Variants in NBEA observed in about 807,000 individuals in gnomAD.
The protein encoded by NBEA is lysosomal-trafficking regulator 2.
In NBEA, 44 loss-of-function variants were observed where a neutral mutation model predicts 343.4. The ratio of observed to expected loss-of-function variants is 0.13; its 90% CI spans 0.10 to 0.16. The LOEUF is 0.16. Among genes scored for constraint, NBEA ranks in the 10% least tolerant of loss-of-function variants. The probability of loss-of-function intolerance (pLI) is 1.00; values close to 1 mark genes in which losing one functional copy is unlikely to be tolerated. For synonymous variants in NBEA, 1,175 were observed against 1,238.7 expected, an observed-to-expected ratio of 0.95 and a Z score of 1.08; for missense variants, 2,555 against 3,631.3, an observed-to-expected ratio of 0.70 and a Z score of 7.62.
At chr13:35,046,268 CAT>C (rs1187507617) in intron 4 of NBEA, among the ~76,000 whole-genome samples, 1 of 152,068 alleles carries the variant, frequency 6.6e-6, no homozygotes, top group Admixed American at 6.6e-5. Context: ...TTTCTATGGA[CAT>C]ATGTTTTCTT....
intron 48 of NBEA, among the ~76,000 whole-genome samples, chr13:35,610,217 C>A (rs974569153): frequency 6.6e-6 from 1 of 152,040 alleles, no homozygotes; most frequent in African/African-American, 2.4e-5. Context: ...ATTGGTGAAA[C>A]CTTGTCCCTA....
intron 44 of NBEA, among the ~76,000 whole-genome samples, chr13:35,565,939 GTAGTTTCTCATCC>G (rs1234515523): frequency 6.6e-6 from 1 of 152,160 alleles, no homozygotes; most frequent in East Asian, 1.9e-4. Flanking sequence ...ATCTGCCTCT[GTAGTTTCTCATCC>G]TAGCTTCAGA....
intron 41 of NBEA, among the ~76,000 whole-genome samples, chr13:35,488,313 T>C (rs936603038): frequency 2.6e-5 from 4 of 151,924 alleles, no homozygotes; most frequent in African/African-American, 9.7e-5. Context: ...TCAGGATACA[T>C]TGAATTTACT....
chr13:34,989,455 G>T (rs1417242629), intron 1 of NBEA, among the ~76,000 whole-genome samples: 1 of 150,866 alleles, frequency 6.6e-6, no homozygotes, highest in Non-Finnish European at 1.5e-5. Flanking sequence ...ATCTTCACAT[G>T]GTGGAGCAGG....
chr13:35,585,321 T>C (rs2081249584), intron 46 of NBEA, among the ~76,000 whole-genome samples: 1 of 152,070 alleles, frequency 6.6e-6, no homozygotes, highest in African/African-American at 2.4e-5. Flanking sequence ...TCCATCACTT[T>C]ACTGAACTGT....
At chr13:35,356,634 G>A (rs952523720) in intron 38 of NBEA, among the ~76,000 whole-genome samples, 2 of 151,966 alleles carry the variant, frequency 1.3e-5, no homozygotes, top group African/African-American at 4.8e-5. Flanking sequence ...TTTTTGTTTG[G>A]AGTTCATCCT....
At chr13:35,537,574 C>A (rs1205842181) in intron 41 of NBEA, among the ~76,000 whole-genome samples, 1 of 152,082 alleles carries the variant, frequency 6.6e-6, no homozygotes, top group Non-Finnish European at 1.5e-5. Context: ...GTGAAGAGAA[C>A]TTGTCTCATA....
chr13:35,261,405 G>A (rs1212262072), intron 34 of NBEA, among the ~76,000 whole-genome samples: 3 of 152,070 alleles, frequency 2.0e-5, no homozygotes, highest in African/African-American at 7.2e-5. Context: ...CAGCTGCTAG[G>A]GATGCTGAGG....
chr13:35,079,171 C>T (rs768694786), intron 10 of NBEA, among the ~76,000 whole-genome samples: 2 of 152,022 alleles, frequency 1.3e-5, no homozygotes, highest in Non-Finnish European at 2.9e-5. Flanking sequence ...AGATGATGGC[C>T]AAAGTCTATA....
At chr13:35,212,051 A>C (rs2073812472) in intron 33 of NBEA, among the ~76,000 whole-genome samples, 1 of 151,932 alleles carries the variant, frequency 6.6e-6, no homozygotes, top group Non-Finnish European at 1.5e-5. Flanking sequence ...TTTTTATAGA[A>C]GTATAACACA....
At chr13:35,427,217 TAG>T (rs2044744846) in intron 38 of NBEA, among the ~76,000 whole-genome samples, 1 of 152,226 alleles carries the variant, frequency 6.6e-6, no homozygotes, top group Non-Finnish European at 1.5e-5. Context: ...CTCTGATTTT[TAG>T]AGTTTCCAGT....
chr13:35,005,454 T>C (rs953905682), intron 1 of NBEA, among the ~76,000 whole-genome samples: 5 of 152,150 alleles, frequency 3.3e-5, no homozygotes, highest in Admixed American at 6.6e-5. Context: ...ATGTCTGTTG[T>C]GCAATGAATA....
intron 36 of NBEA, among the ~76,000 whole-genome samples, chr13:35,335,155 G>A (rs1211664627): frequency 6.6e-6 from 1 of 152,134 alleles, no homozygotes; most frequent in African/African-American, 2.4e-5. Flanking sequence ...CACTGTAGGT[G>A]TGTGGATTTG....
intron 1 of NBEA, among the ~76,000 whole-genome samples, chr13:34,967,026 A>G (rs2059844438): frequency 6.8e-6 from 1 of 146,912 alleles, no homozygotes; most frequent in Admixed American, 6.9e-5. Flanking sequence ...TTCATATTTT[A>G]CTTCTATCTC....
rs1566133632 is a variant in NBEA at position 34,992,244 on chromosome 13, A to ATC, written c.295-48688_295-48687insCT. ...TATATGTGTGTGTGTGTGTGTATAT[A>ATC]TATATATATATATATATATTTTTTT... On this transcript the variant is annotated intron_variant, in intron 1 of 58. Coordinates refer to ENST00000379939, the MANE Select transcript of NBEA (RefSeq NM_001385012.1). 2.3e-5 allele frequency among the ~76,000 whole-genome samples: 3 copies of ATC among 132,678 alleles called. No individual in the cohort carries two copies. The Admixed American group carries it at 2.3e-4, about 10-fold the overall frequency. 87.0% of individuals were successfully genotyped at this position (132,678 alleles called of 152,430 possible).
chr13:35,220,484 T>A (rs1427568638), intron 33 of NBEA, among the ~76,000 whole-genome samples: 1 of 152,196 alleles, frequency 6.6e-6, no homozygotes, highest in African/African-American at 2.4e-5. Context: ...ACCAATAGAA[T>A]TCTAGGTTGG....
intron 36 of NBEA, among the ~76,000 whole-genome samples, chr13:35,345,874 G>C (rs1247971722): frequency 6.6e-6 from 1 of 152,126 alleles, no homozygotes; most frequent in African/African-American, 2.4e-5. Context: ...TGAAGTAAGG[G>C]AGACTTGAAG....
At chr13:35,315,401 A>G (rs2037649146) in intron 36 of NBEA, among the ~76,000 whole-genome samples, 2 of 152,180 alleles carry the variant, frequency 1.3e-5, no homozygotes, top group Admixed American at 6.5e-5. Context: ...AAGGATCTTT[A>G]TAATTAAAAC....
chr13:34,970,460 C>T (rs1159392917), intron 1 of NBEA, among the ~76,000 whole-genome samples: 1 of 152,168 alleles, frequency 6.6e-6, no homozygotes, highest in African/African-American at 2.4e-5. Context: ...TTGCCCATGC[C>T]TATGTCCTGA....
Sources: allele counts gnomAD v4.1 joint callset (sites outside exome capture counted in the v4.1 genomes callset), GRCh38; gene constraint gnomAD v4.1.1; transcripts MANE v1.5; gene names NCBI Gene and HGNC (gene_info 2026-07-23, HGNC 2026-07-21).